Variants in RCBTB2 observed in about 807,000 individuals in gnomAD.
RCBTB2 encodes RCC1 and BTB domain containing protein 2.
A neutral mutation model predicts 65.4 loss-of-function variants in RCBTB2; 55 were observed. That is an observed-to-expected ratio of 0.84 (90% CI 0.68 to 1.05). RCBTB2 has a LOEUF of 1.05. Among genes scored for constraint, RCBTB2 ranks in the 50% least tolerant of loss-of-function variants. RCBTB2 has a pLI of 0.00. For missense variants in RCBTB2, 599 were observed against 680.1 expected (o/e 0.88, Z 1.33); for synonymous variants, 220 against 255.2 (o/e 0.86, Z 1.31).
In RCBTB2 at chr13:48,492,716, G is replaced by A. The variant is rs1331881735; in HGVS notation, c.1516-2465C>T. On this transcript the variant is annotated intron_variant, in intron 14 of 14. Transcript: ENST00000344532. ...TTTCCCAGCCTGCAGGAAACGGTCTGCTGGTTTCTCTCTTCCGTTACTGCT... is the reference window on the plus strand; with the variant it reads ...TTTCCCAGCCTGCAGGAAACGGTCTACTGGTTTCTCTCTTCCGTTACTGCT... The A allele has an allele frequency of 2.6e-5, 4 of 152,300 alleles. No homozygotes were observed. The East Asian group carries it at 7.7e-4, about 29-fold the overall frequency. The allele number at this position is 152,300 out of a possible 1,614,324, so 9.4% of individuals were successfully genotyped here.
intron 14 of RCBTB2, among the ~76,000 whole-genome samples, chr13:48,492,282 G>A (rs918292595): frequency 4.6e-5 from 7 of 152,142 alleles, no homozygotes; most frequent in African/African-American, 1.4e-4. Context: ...AGAAAGCAGA[G>A]CCCTTGCTCT....
chr13:48,534,722 AAAGT>A (rs1276340175), upstream of RCBTB2, among the ~76,000 whole-genome samples: 1 of 152,250 alleles, frequency 6.6e-6, no homozygotes, highest in East Asian at 1.9e-4. Flanking sequence ...GTCAAAATTA[AAAGT>A]AAGAAGTAAA....
chr13:48,492,637 A>G (rs190983601), intron 14 of RCBTB2: 8 of 151,850 alleles, frequency 5.3e-5, no homozygotes, highest in African/African-American at 1.7e-4. Context: ...CCTCGTGCAG[A>G]CGTGCCAGCA....
At chr13:48,493,783 C>T (rs1435975604) in intron 14 of RCBTB2, among the ~76,000 whole-genome samples, 1 of 152,144 alleles carries the variant, frequency 6.6e-6, no homozygotes, top group Admixed American at 6.5e-5. Context: ...TTCCATATCA[C>T]TTGTCACCAT....
intron 13 of RCBTB2, among the ~76,000 whole-genome samples, chr13:48,497,157 G>T (rs1234063224): frequency 6.6e-6 from 1 of 152,148 alleles, no homozygotes; most frequent in Non-Finnish European, 1.5e-5. Context: ...AGGACACTTT[G>T]TCACTTGCTT....
At chr13:48,496,143 G>A (rs1949957123) in intron 14 of RCBTB2, 48 bp downstream of exon 14, 1 of 1,409,788 alleles carries the variant, frequency 7.1e-7, no homozygotes, top group Non-Finnish European at 9.3e-7. Flanking sequence ...CAGACACCTG[G>A]GTTCCATTTC....
At chr13:48,490,449 A>C (rs1423274836) in intron 14 of RCBTB2, among the ~76,000 whole-genome samples, 198 bp from the exon 15 acceptor site, 1 of 152,236 alleles carries the variant, frequency 6.6e-6, no homozygotes, top group East Asian at 1.9e-4. Flanking sequence ...TAAAAATTTA[A>C]GTAGCACAGA....
intron 14 of RCBTB2, among the ~76,000 whole-genome samples, chr13:48,493,252 CACACACACTCT>C (rs1949778849): frequency 6.9e-6 from 1 of 145,608 alleles, no homozygotes; most frequent in South Asian, 2.1e-4. Context: ...CACACACACA[CACACACACTCT>C]TCTCTCTCTC....
Position 48,515,311 on chromosome 13 carries a change from A to C in RCBTB2, c.243T>G (p.Gly81=), listed in dbSNP as rs1593732980. The C allele has an allele frequency of 1.2e-6, 2 of 1,614,150 alleles. No homozygotes were observed. The highest frequency in any genetic ancestry group is 1.7e-6 in the Non-Finnish European group (2 of 1,180,002). ...GAGGTTCAATGGTGCTCTGGACGTC[A>C]CCTAACCCCAAACAGCCACAGCAGT... ...GTNCCGCLGL[G]DVQSTIEPRR... Residue 81 remains glycine (G), a synonymous_variant, in exon 6 of 15, where the codon GGT becomes GGG. Transcript: ENST00000344532.
chr13:48,509,658 A>G (rs943889279), intron 10 of RCBTB2, among the ~76,000 whole-genome samples: 6 of 152,210 alleles, frequency 3.9e-5, no homozygotes, highest in African/African-American at 1.4e-4. Context: ...AAATTAACCT[A>G]TGTTAAATTG....
chr13:48,533,494 T>A (rs987552947), upstream of RCBTB2, among the ~76,000 whole-genome samples: 2 of 152,226 alleles, frequency 1.3e-5, no homozygotes, highest in Non-Finnish European at 2.9e-5. Context: ...GCTTTTCTTC[T>A]ATTGCTGGCC....
chr13:48,496,315 A>G lies in RCBTB2; in HGVS notation c.1391T>C (p.Leu464Pro). ...TTCTCTATAAAATGTAGCCAAGTCT[A>G]GCAGTCCTGGCGGAAAGAGGTGTTT... ...SLSPEEAVGLLDLATFYRENR... is the reference protein window; with the variant it reads ...SLSPEEAVGLPDLATFYRENR... Residue 464 changes from leucine (L) to proline (P), a missense_variant, in exon 14 of 15, where the codon CTA (leucine) becomes CCA (proline). Coordinates refer to ENST00000344532, the MANE Select transcript of RCBTB2 (RefSeq NM_001268.4). The G allele has an allele frequency of 1.9e-6, 3 of 1,571,984 alleles. No homozygotes were observed. The highest frequency in any genetic ancestry group is 2.6e-6 in the Non-Finnish European group (3 of 1,159,388).
intron 10 of RCBTB2, among the ~76,000 whole-genome samples, chr13:48,505,156 AG>A (rs1294297029): frequency 6.6e-6 from 1 of 151,532 alleles, no homozygotes; most frequent in Non-Finnish European, 1.5e-5. Context: ...CTGCGTGACT[AG>A]GGGAATGTCA....
chr13:48,531,106 C>T (rs1174583341), intron 1 of RCBTB2, among the ~76,000 whole-genome samples: 2 of 152,146 alleles, frequency 1.3e-5, no homozygotes, highest in Non-Finnish European at 2.9e-5. Context: ...CTTTTCTAAC[C>T]TAATATACAA....
intron 3 of RCBTB2, 87 bp downstream of exon 3, chr13:48,522,221 A>G (rs1262813550): frequency 1.1e-6 from 1 of 897,084 alleles, no homozygotes; most frequent in Non-Finnish European, 1.7e-6. Flanking sequence ...CAAAATTCAC[A>G]TGGGTCCTTA....
At chr13:48,507,466 A>G (rs2138505688) in intron 10 of RCBTB2, among the ~76,000 whole-genome samples, 1 of 152,306 alleles carries the variant, frequency 6.6e-6, no homozygotes, top group East Asian at 1.9e-4. Flanking sequence ...TTTGTAGCCA[A>G]TCTTAATGGG....
chr13:48,500,291 G>T (rs1950174678), intron 12 of RCBTB2, among the ~76,000 whole-genome samples: 1 of 152,198 alleles, frequency 6.6e-6, no homozygotes, highest in Non-Finnish European at 1.5e-5. Context: ...AGGGCGCGGT[G>T]GCTCACGCCT....
chr13:48,523,651 G>C (rs9331959), intron 2 of RCBTB2, among the ~76,000 whole-genome samples: 1,790 of 152,236 alleles, frequency 0.012, 65 homozygotes, highest in East Asian at 0.12. Flanking sequence ...GGAGAAGAAA[G>C]AGGGAGAGAA....
intron 10 of RCBTB2, among the ~76,000 whole-genome samples, chr13:48,506,528 G>A (rs1950511762): frequency 6.6e-6 from 1 of 152,164 alleles, no homozygotes; most frequent in Non-Finnish European, 1.5e-5. Flanking sequence ...CAGAGGGAGG[G>A]AGAGGAGCGG....
Sources: allele counts gnomAD v4.1 joint callset (sites outside exome capture counted in the v4.1 genomes callset), GRCh38; gene constraint gnomAD v4.1.1; transcripts MANE v1.5; gene names NCBI Gene and HGNC (gene_info 2026-07-23, HGNC 2026-07-21).